Variants in SCHIP1 observed in about 807,000 individuals in gnomAD.
SCHIP1 encodes the protein schwannomin interacting protein 1.
Under a neutral mutation model 29.7 loss-of-function variants are expected in SCHIP1, and 8 were observed. That is an observed-to-expected ratio of 0.27 (90% CI 0.16 to 0.49). SCHIP1 has a LOEUF of 0.49. Ranked by LOEUF, SCHIP1 falls within the 20% of genes least tolerant of loss-of-function variation. The pLI, the probability that SCHIP1 is intolerant of heterozygous loss-of-function variation, is 0.99. For missense variants in SCHIP1, 193 were observed against 294.6 expected (o/e 0.66, Z 2.52); for synonymous variants, 76 against 94.9 (o/e 0.80, Z 1.16).
the SCHIP1 span, among the ~76,000 whole-genome samples, chr3:159,418,441 C>T: frequency 6.6e-6 from 1 of 152,198 alleles, no homozygotes; most frequent in Non-Finnish European, 1.5e-5. Flanking sequence ...TGCTTCTAAA[C>T]TGTCTGTGCA....
At chr3:159,534,540 C>A in the SCHIP1 span, among the ~76,000 whole-genome samples, 2 of 152,206 alleles carry the variant, frequency 1.3e-5, no homozygotes, top group East Asian at 3.9e-4. Flanking sequence ...GTATGTGCTT[C>A]TCAAGTTGCC....
At chr3:159,796,048 C>A in the SCHIP1 span, among the ~76,000 whole-genome samples, 2 of 152,108 alleles carry the variant, frequency 1.3e-5, no homozygotes, top group Non-Finnish European at 2.9e-5. Flanking sequence ...ATTAGGTGAA[C>A]CACAGACAAG....
chr3:159,436,191 G>A, the SCHIP1 span, among the ~76,000 whole-genome samples: 1 of 152,148 alleles, frequency 6.6e-6, no homozygotes, highest in Non-Finnish European at 1.5e-5. Flanking sequence ...ACACACCCAT[G>A]CACACTCTTG....
the SCHIP1 span, among the ~76,000 whole-genome samples, chr3:159,745,249 T>G: frequency 3.3e-5 from 5 of 152,228 alleles, no homozygotes; most frequent in African/African-American, 7.2e-5. Context: ...ATCAATATCT[T>G]CCTCTAATTA....
the SCHIP1 span, among the ~76,000 whole-genome samples, chr3:159,426,617 T>A: frequency 1.1e-4 from 16 of 152,322 alleles, no homozygotes; most frequent in African/African-American, 3.8e-4. Flanking sequence ...AAGGAGGAAC[T>A]GGTACCATTC....
chr3:159,895,649 G>A (rs1186938467), intron 6 of SCHIP1, among the ~76,000 whole-genome samples: 1 of 152,012 alleles, frequency 6.6e-6, no homozygotes, highest in Non-Finnish European at 1.5e-5. Context: ...GCCTATTTTT[G>A]GGTTCACAGG....
intron 1 of SCHIP1, among the ~76,000 whole-genome samples, chr3:159,846,715 T>C (rs1711889123): frequency 6.6e-6 from 1 of 152,104 alleles, no homozygotes; most frequent in East Asian, 1.9e-4. Context: ...TGATGGGGAA[T>C]TTTTTTTCTA....
chr3:159,458,284 T>C, the SCHIP1 span, among the ~76,000 whole-genome samples: 1 of 152,132 alleles, frequency 6.6e-6, no homozygotes, highest in African/African-American at 2.4e-5. Flanking sequence ...CCTAACCACA[T>C]ACATCCCTCT....
At chr3:159,306,451 A>G in the SCHIP1 span, 2 of 164,110 alleles carry the variant, frequency 1.2e-5, no homozygotes, top group Non-Finnish European at 2.5e-5. Flanking sequence ...AATGCCAAGA[A>G]GTATTATCCC....
chr3:159,299,315 A>G, the SCHIP1 span, among the ~76,000 whole-genome samples: 34 of 152,296 alleles, frequency 2.2e-4, no homozygotes, highest in African/African-American at 8.2e-4. Flanking sequence ...CTGAGCTTCA[A>G]CAGGGACTGT....
chr3:159,469,797 A>G, the SCHIP1 span, among the ~76,000 whole-genome samples: 7 of 152,206 alleles, frequency 4.6e-5, no homozygotes, highest in Non-Finnish European at 1.0e-4. Flanking sequence ...AACAAATCAC[A>G]TGAAAAAGCT....
chr3:159,569,618 G>A, the SCHIP1 span, among the ~76,000 whole-genome samples: 1 of 152,092 alleles, frequency 6.6e-6, no homozygotes, highest in Non-Finnish European at 1.5e-5. Context: ...GAATAGTACT[G>A]CAATAAACAT....
At chr3:159,692,840 A>G in the SCHIP1 span, among the ~76,000 whole-genome samples, 1 of 152,220 alleles carries the variant, frequency 6.6e-6, no homozygotes. Flanking sequence ...AAAAGAAAAC[A>G]TATTTAACAA....
At chr3:159,613,983 C>T in the SCHIP1 span, among the ~76,000 whole-genome samples, 13 of 152,164 alleles carry the variant, frequency 8.5e-5, no homozygotes, top group Admixed American at 1.3e-4. Flanking sequence ...CTGACACACT[C>T]GCTGTTCTAA....
the SCHIP1 span, among the ~76,000 whole-genome samples, chr3:159,707,383 G>T: frequency 6.6e-6 from 1 of 152,088 alleles, no homozygotes; most frequent in African/African-American, 2.4e-5. Flanking sequence ...GTTCTTATCC[G>T]CAAAATTAGA....
chr3:159,599,185 A>G, the SCHIP1 span, among the ~76,000 whole-genome samples: 1 of 152,198 alleles, frequency 6.6e-6, no homozygotes, highest in Admixed American at 6.5e-5. Context: ...ATTCTTCTAC[A>G]TTCAAGGTTA....
rs1292905771 is a variant in SCHIP1 at position 159,845,387 on chromosome 3, T to TC, written c.30+5173_30+5174insC. On this transcript the variant is annotated intron_variant, in intron 1 of 6. Transcript: ENST00000445224. ...CATTAGACGACAAGCTTCTTCTTTT[T>TC]TTTTTTTTTTTTAGATGGAGTCTTG... 4 of 152,316 alleles carry TC rather than the reference T, an allele frequency of 2.6e-5. No individual in the cohort carries two copies. In the East Asian group the frequency reaches 5.8e-4, roughly 22 times the overall value. The allele number at this position is 152,316 out of a possible 1,614,324, so 9.4% of individuals were successfully genotyped here.
the SCHIP1 span, among the ~76,000 whole-genome samples, chr3:159,342,777 A>G: frequency 6.6e-6 from 1 of 152,248 alleles, no homozygotes. Flanking sequence ...TAGACAGTCC[A>G]CAGTAGAAAA....
the SCHIP1 span, among the ~76,000 whole-genome samples, chr3:159,747,215 C>G: frequency 6.6e-6 from 1 of 152,314 alleles, no homozygotes; most frequent in Non-Finnish European, 1.5e-5. Flanking sequence ...AGGGACTTCT[C>G]TAGAAGTCTG....
Sources: gnomAD v4.1 joint callset for allele counts (sites outside exome capture counted in the v4.1 genomes callset) on GRCh38, gnomAD v4.1.1 for gene constraint, MANE v1.5 for transcripts, NCBI Gene and HGNC (gene_info 2026-07-23, HGNC 2026-07-21) for gene names.